SUPT6H: variants seen among roughly 807,000 people sequenced by gnomAD.
The protein encoded by SUPT6H is SPT6 homolog, histone chaperone and transcription elongation factor, also known as transcription elongation factor SPT6.
SUPT6H carries 11 observed loss-of-function variants against 222.3 expected under a neutral mutation model. The observed-to-expected ratio is 0.05, with a 90% confidence interval of 0.03 to 0.08. The LOEUF is 0.08. Among genes scored for constraint, SUPT6H ranks in the 10% least tolerant of loss-of-function variants. The pLI, the probability that SUPT6H is intolerant of heterozygous loss-of-function variation, is 1.00. For missense variants in SUPT6H, 1,422 were observed against 2,216.0 expected, an observed-to-expected ratio of 0.64 and a Z score of 7.19; for synonymous variants, 762 against 801.2, an observed-to-expected ratio of 0.95 and a Z score of 0.83.
chr17:28,679,724 G>A (rs1311734591), intron 11 of SUPT6H, among the ~76,000 whole-genome samples: 1 of 151,842 alleles, frequency 6.6e-6, no homozygotes, highest in Non-Finnish European at 1.5e-5. Flanking sequence ...TGGCACGGTG[G>A]CTAACGCTTG....
intron 7 of SUPT6H, among the ~76,000 whole-genome samples, chr17:28,676,728 C>T (rs891470376): frequency 7.9e-5 from 12 of 152,074 alleles, no homozygotes; most frequent in African/African-American, 2.9e-4. Context: ...GAACTCAAGA[C>T]CAGCCTGGGC....
intron 33 of SUPT6H, 60 bp downstream of exon 33, chr17:28,699,953 C>A: frequency 1.3e-6 from 2 of 1,519,980 alleles, no homozygotes; most frequent in Non-Finnish European, 1.8e-6. Flanking sequence ...GGACCTGACT[C>A]AGAGTAGTCC....
At chr17:28,664,859 T>A (rs2029923088) in intron 1 of SUPT6H, among the ~76,000 whole-genome samples, 1 of 152,210 alleles carries the variant, frequency 6.6e-6, no homozygotes, top group Non-Finnish European at 1.5e-5. Flanking sequence ...TCTTCTCCTT[T>A]ACTACTCCTC....
rs759286854 is a variant in SUPT6H, at chr17:28,697,968, C to G, written c.4386C>G (p.Ile1462Met). 1.2e-6 allele frequency: 2 copies of G among 1,613,966 alleles called. No homozygotes were observed. The highest frequency in any genetic ancestry group is 1.7e-6 in the Non-Finnish European group (2 of 1,180,034). Residue 1462 changes from isoleucine to methionine, a missense_variant, in exon 32 of 37, where the codon ATC (isoleucine) becomes ATG (methionine). Ile to Met is a conservative substitution (Grantham distance 10). Coordinates refer to ENST00000314616, the MANE Select transcript of SUPT6H (RefSeq NM_003170.5). The stretch of plus-strand genomic sequence containing the variant: ...AGCCCACCTTCATCCCTTATTTCAT[C>G]TGTGCCTGCAAGGAACTGCCCGGCA... ...KEKPTFIPYF[I>M]CACKELPGKF...
intron 11 of SUPT6H, among the ~76,000 whole-genome samples, chr17:28,679,863 G>A (rs760125297): frequency 1.3e-5 from 2 of 149,656 alleles, no homozygotes; most frequent in Admixed American, 1.3e-4. Context: ...GGGGACAGGC[G>A]CCTGTAATTC....
At chr17:28,685,497 ATTAT>A (rs2151639345) in intron 19 of SUPT6H, among the ~76,000 whole-genome samples, 1 of 148,842 alleles carries the variant, frequency 6.7e-6, no homozygotes, top group Admixed American at 6.7e-5. Context: ...TATTATTATT[ATTAT>A]TATTATTGAA....
chr17:28,663,828 A>ATTTTTTTTGTTTTTTTTTTTTTTT lies in SUPT6H; in HGVS notation c.-32+1494_-32+1495insGTTTTTTTTTTTTTTTTTTTTTTT, dbSNP rs2072114143. Among the ~76,000 whole-genome samples, 2 of 38,374 alleles carry ATTTTTTTTGTTTTTTTTTTTTTTT rather than the reference A, an allele frequency of 5.2e-5. 1 individual carries two copies. Among genetic ancestry groups the ATTTTTTTTGTTTTTTTTTTTTTTT allele is most frequent in the Non-Finnish European group, 9.4e-5 (2 of 21,300 alleles). The allele number at this position is 38,374 out of a possible 152,430, so 25.2% of individuals were successfully genotyped here. ...ATCTGGCTTCTCTTCTGCCCACTCCATTTTTTTTTTTTTTTTTGTGGAGAC... is the reference window on the plus strand; with the variant it reads ...ATCTGGCTTCTCTTCTGCCCACTCCATTTTTTTTGTTTTTTTTTTTTTTTTTTTTTTTTTTTTTTTTGTGGAGAC... On this transcript the variant is annotated intron_variant, in intron 1 of 36. Transcript: ENST00000314616.
chr17:28,681,143 G>C, intron 11 of SUPT6H, 113 bp from the exon 12 acceptor site: 1 of 1,112,794 alleles, frequency 9.0e-7, no homozygotes, highest in South Asian at 1.4e-5. Flanking sequence ...AAAACTGGTT[G>C]GGATCCCATT....
Position 28,688,117 on chromosome 17 carries a change from C to G in SUPT6H, c.3033C>G (p.Leu1011=), listed in dbSNP as rs185242914. ...LKILKQNNTR[L]ESRTQLVTMC... ...TCCTGAAGCAGAACAACACCCGGCT[C>G]GAGAGCCGGACCCAGCTGGTCACCA... The change falls in exon 24 of 37, where the codon CTC becomes CTG. Residue 1011 remains leucine, a synonymous_variant. Transcript: ENST00000314616. This position sits in a 1 kb window ranked among gnomAD's most constrained non-coding sequence, Gnocchi z 4.3. The G allele has an allele frequency of 3.1e-6, 5 of 1,613,204 alleles. No individual in the cohort carries two copies. In the African/African-American group the frequency reaches 5.3e-5, roughly 17 times the overall value.
Position 28,684,647 on chromosome 17 carries a change from T to C in SUPT6H, c.2291T>C (p.Val764Ala), listed in dbSNP as rs775047428. 2 of 1,614,082 alleles carry C rather than the reference T, an allele frequency of 1.2e-6. No individual in the cohort carries two copies. The highest frequency in any genetic ancestry group is 1.1e-5 in the South Asian group (1 of 91,062). Residue 764 changes from valine (V) to alanine (A), a missense_variant, in exon 18 of 37, where the codon GTG (valine) becomes GCG (alanine). By Grantham distance (64) the Val-to-Ala change is moderately conservative. Coordinates refer to ENST00000314616, the MANE Select transcript of SUPT6H (RefSeq NM_003170.5). Reference sequence around the variant, plus strand: ...GCACCCTACCGACCAGATCAGCAGGTGGAAGAAGATGACGACTTTATGGAC... The same window carrying C: ...GCACCCTACCGACCAGATCAGCAGGCGGAAGAAGATGACGACTTTATGGAC... The part of the protein sequence containing the change: ...RVAPYRPDQQ[V>A]EEDDDFMDEN...
At chr17:28,667,512 T>A (rs558862226) in intron 1 of SUPT6H, among the ~76,000 whole-genome samples, 1 of 142,932 alleles carries the variant, frequency 7.0e-6, no homozygotes, top group African/African-American at 2.6e-5. Context: ...TATATATATA[T>A]AAATACGTGT....
At chr17:28,678,411 G>C (rs1249401864) in intron 9 of SUPT6H, 134 bp from the exon 10 acceptor site, 1 of 939,876 alleles carries the variant, frequency 1.1e-6, no homozygotes, top group Non-Finnish European at 1.7e-6. Context: ...GCCCTGGAAG[G>C]GCTGTGAGGG....
At chr17:28,690,817 A>C (rs1394969096) in intron 26 of SUPT6H, 104 bp from the exon 27 acceptor site, 1 of 1,335,446 alleles carries the variant, frequency 7.5e-7, no homozygotes, top group African/African-American at 1.5e-5. Flanking sequence ...TTCCCTCTTC[A>C]AGGATGGGAA....
intron 35 of SUPT6H, 71 bp downstream of exon 35, chr17:28,700,583 A>G (rs936880970): frequency 6.4e-7 from 1 of 1,554,814 alleles, no homozygotes; most frequent in Non-Finnish European, 8.7e-7. Context: ...ATTGCCCACA[A>G]GGGGCTTCAC....
rs1232560455 is a variant in SUPT6H at position 28,693,016 on chromosome 17, AAAG to A, written c.3634-678_3634-676del. On this transcript the variant is annotated intron_variant, in intron 27 of 36. Transcript: ENST00000314616. ...ACTCTGTCTCAAAAAAAAAAAAAAA[AAAG>A]ATTACCCAGACTTGGGGGCGTGCGC... Among the ~76,000 whole-genome samples, 209 of 151,250 alleles carry A rather than the reference AAAG, an allele frequency of 1.4e-3. 1 individual carries two copies. The highest frequency in any genetic ancestry group is 0.01 in the Middle Eastern group (3 of 294).
chr17:28,677,872 TG>T, intron 8 of SUPT6H, 56 bp downstream of exon 8: 1 of 1,504,336 alleles, frequency 6.6e-7, no homozygotes. Flanking sequence ...TTCATCAAGA[TG>T]GGGAGCTCTT....
At chr17:28,670,505 G>GT (rs2030349408) in intron 1 of SUPT6H, 1 of 152,140 alleles carries the variant, frequency 6.6e-6, no homozygotes, top group African/African-American at 2.4e-5. Context: ...TCCTGTGCCT[G>GT]TTCTGTGTGT....
chr17:28,701,653 C>G lies in SUPT6H; in HGVS notation c.*28C>G. The G allele has an allele frequency of 6.3e-7, 1 of 1,577,092 alleles. No homozygotes were observed. Among genetic ancestry groups the G allele is most frequent in the Non-Finnish European group, 8.6e-7 (1 of 1,157,436 alleles). On this transcript the variant is annotated 3_prime_UTR_variant, in exon 37 of 37. Coordinates refer to ENST00000314616, the MANE Select transcript of SUPT6H (RefSeq NM_003170.5). ...GGCCTGCTCCTCGGACTCTGGTTACCTCTGAGGCTGGGAAAGGCCTGGCTG... is the reference window on the plus strand; with the variant it reads ...GGCCTGCTCCTCGGACTCTGGTTACGTCTGAGGCTGGGAAAGGCCTGGCTG...
intron 7 of SUPT6H, among the ~76,000 whole-genome samples, chr17:28,677,280 G>A (rs1228472049): frequency 6.6e-6 from 1 of 152,092 alleles, no homozygotes. Context: ...TTACTTGGGA[G>A]GTTGAGGCAG....
Sources: gnomAD v4.1 joint callset for allele counts (sites outside exome capture counted in the v4.1 genomes callset) on GRCh38, gnomAD v4.1.1 for gene constraint, Gnocchi (gnomAD v3.1) non-coding constraint, MANE v1.5 for transcripts, NCBI Gene and HGNC (gene_info 2026-07-23, HGNC 2026-07-21) for gene names.